The following KLHL24 variants were observed in gnomAD, a reference collection of about 807,000 sequenced individuals.
The protein encoded by KLHL24 is kelch-like protein 24.
A neutral mutation model predicts 53.4 loss-of-function variants in KLHL24; 29 were observed. The observed-to-expected ratio is 0.54, with a 90% CI of 0.40 to 0.74. KLHL24 has a LOEUF of 0.74. Among genes scored for constraint, KLHL24 ranks in the 30% least tolerant of loss-of-function variants. The probability of loss-of-function intolerance (pLI) is 0.00; values close to 1 mark genes in which losing one functional copy is unlikely to be tolerated. For missense variants in KLHL24, 504 were observed against 744.0 expected (o/e 0.68, Z 3.75); for synonymous variants, 222 against 253.7 (o/e 0.88, Z 1.19).
intron 5 of KLHL24, 152 bp from the exon 6 acceptor site, chr3:183,670,882 T>G (rs1057303050): frequency 2.4e-5 from 14 of 590,402 alleles, no homozygotes; most frequent in Non-Finnish European, 3.6e-5. Context: ...GATGATTTTT[T>G]AAAAGGTTCA....
chr3:183,660,687 A>T (rs1405468178), intron 3 of KLHL24, among the ~76,000 whole-genome samples: 1 of 152,104 alleles, frequency 6.6e-6, no homozygotes, highest in Admixed American at 6.5e-5. Context: ...AGCCATTTTC[A>T]TATAGAAGCA....
At chr3:183,648,435 C>T (rs1400873714) in intron 2 of KLHL24, among the ~76,000 whole-genome samples, 5 of 152,130 alleles carry the variant, frequency 3.3e-5, no homozygotes, top group African/African-American at 9.6e-5. Flanking sequence ...TTGTGGCTTG[C>T]GAATGTAGGA....
At chr3:183,672,528 G>T in intron 7 of KLHL24, 44 bp downstream of exon 7, 2 of 1,339,012 alleles carry the variant, frequency 1.5e-6, no homozygotes, top group South Asian at 2.7e-5. Context: ...ATCTAAGAGG[G>T]ACCAAGTACA....
At chr3:183,646,361 C>CA (rs35945634) in intron 2 of KLHL24, among the ~76,000 whole-genome samples, 5,225 of 65,064 alleles carry the variant, frequency 0.08, 283 homozygotes, top group African/African-American at 0.15. Context: ...GACTCCATCT[C>CA]AAAAAAAAAA....
intron 2 of KLHL24, among the ~76,000 whole-genome samples, chr3:183,646,361 C>CAAAA (rs35945634): frequency 3.0e-5 from 2 of 66,738 alleles, no homozygotes; most frequent in Admixed American, 1.7e-4. Flanking sequence ...GACTCCATCT[C>CAAAA]AAAAAAAAAA....
chr3:183,643,442 T>A (rs1050464026), intron 1 of KLHL24, 38 bp from the exon 2 acceptor site: 2 of 152,224 alleles, frequency 1.3e-5, no homozygotes, highest in African/African-American at 4.8e-5. Flanking sequence ...AACTGACAAC[T>A]ATCTGATTTA....
In KLHL24 at chr3:183,650,043, A is replaced by G. The variant is rs1717910251; in HGVS notation, c.-61-253A>G. ...GGGAGGAAACGGAAGGTTATTAGTA[A>G]CTCACGAAGTACATAGTATCCTTTC... On this transcript the variant is annotated intron_variant, in intron 2 of 7. Transcript: ENST00000242810. The surrounding 1 kb of genome is among the most constrained non-coding windows in gnomAD (Gnocchi z 4.5). 6.6e-6 allele frequency among the ~76,000 whole-genome samples: 1 copy of G among 152,174 alleles called. No individual in the cohort carries two copies. Among genetic ancestry groups the G allele is most frequent in the African/African-American group, 2.4e-5 (1 of 41,436 alleles).
chr3:183,673,212 GTAAA>G (rs1343546448), intron 7 of KLHL24, among the ~76,000 whole-genome samples: 1 of 151,798 alleles, frequency 6.6e-6, no homozygotes, highest in Non-Finnish European at 1.5e-5. Flanking sequence ...TCTCAAAAAA[GTAAA>G]TAAATAAGTA....
At chr3:183,656,604 A>T (rs1275087491) in intron 3 of KLHL24, among the ~76,000 whole-genome samples, 1 of 152,166 alleles carries the variant, frequency 6.6e-6, no homozygotes, top group Non-Finnish European at 1.5e-5. Flanking sequence ...CCATCTCAGT[A>T]TGCTAAGTGC....
chr3:183,651,382 G>A (rs1560160450), intron 3 of KLHL24, 106 bp downstream of exon 3: 7 of 730,006 alleles, frequency 9.6e-6, no homozygotes, highest in Non-Finnish European at 1.5e-5. Flanking sequence ...TCTACCTGTG[G>A]CTGTATATAA....
chr3:183,670,627 A>C (rs898020545), intron 5 of KLHL24, among the ~76,000 whole-genome samples: 1 of 152,214 alleles, frequency 6.6e-6, no homozygotes, highest in African/African-American at 2.4e-5. Flanking sequence ...TTCATTACCC[A>C]TAAGTGTGAA....
intron 7 of KLHL24, among the ~76,000 whole-genome samples, chr3:183,673,594 A>C (rs912518076): frequency 6.6e-6 from 1 of 151,974 alleles, no homozygotes; most frequent in African/African-American, 2.4e-5. Context: ...CCCTACCCAC[A>C]CTGCCACCTC....
intron 1 of KLHL24, among the ~76,000 whole-genome samples, chr3:183,639,151 G>A (rs1405220072): frequency 6.6e-6 from 1 of 152,032 alleles, no homozygotes; most frequent in South Asian, 2.1e-4. Context: ...AGTGAGCTGA[G>A]ATCGCGCCAT....
At position 183,650,936 on chromosome 3, in the gene KLHL24, A is replaced by G; in HGVS notation, c.580A>G (p.Thr194Ala). The G allele has an allele frequency of 6.2e-7, 1 of 1,614,212 alleles. No homozygotes were observed. The highest frequency in any genetic ancestry group is 2.2e-5 in the East Asian group (1 of 44,886). Residue 194 changes from threonine to alanine, a missense_variant, in exon 3 of 8, where the codon ACT (threonine) becomes GCT (alanine). Thr to Ala is a moderately conservative substitution (Grantham distance 58). Coordinates refer to ENST00000242810, the MANE Select transcript of KLHL24 (RefSeq NM_017644.3). This position sits in a 1 kb window ranked among gnomAD's most constrained non-coding sequence, Gnocchi z 4.5. ...AAAATGCAAAAATTTTGCGTTACAG[A>G]CTTTTGAGGATGTATCCCAGCACGA... ...FTKCKNFALQ[T>A]FEDVSQHEEF...
At chr3:183,649,968 A>T (rs1717897819) in intron 2 of KLHL24, among the ~76,000 whole-genome samples, 1 of 152,182 alleles carries the variant, frequency 6.6e-6, no homozygotes, top group Non-Finnish European at 1.5e-5. Flanking sequence ...GTCTTACACC[A>T]TTCTGACTTA....
chr3:183,679,479 C>A lies in KLHL24; in HGVS notation c.*193C>A, dbSNP rs570584347. The A allele has an allele frequency of 2.2e-5, 12 of 547,956 alleles. No individual in the cohort carries two copies. In the Admixed American group the frequency reaches 3.4e-4, roughly 16 times the overall value. 33.9% of individuals were successfully genotyped at this position (547,956 alleles called of 1,614,324 possible). On this transcript the variant is annotated 3_prime_UTR_variant, in exon 8 of 8. Transcript: ENST00000242810. ...CCTTTCCTATAATTGAAAAAAAAAA[C>A]TTTTTTGTTAAAGGTAATGGTGGTT... is the stretch of plus-strand genomic sequence containing the variant.
At chr3:183,642,014 C>G (rs13097464) in intron 1 of KLHL24, among the ~76,000 whole-genome samples, 48,295 of 151,990 alleles carry the variant, frequency 0.32, 8,191 homozygotes, top group East Asian at 0.48. Context: ...ATGAGAGGCT[C>G]TATTCCAGTC....
Position 183,681,572 on chromosome 3 carries a change from C to CATA in KLHL24, c.*2289_*2291dup, listed in dbSNP as rs1176147365. On this transcript the variant is annotated 3_prime_UTR_variant, in exon 8 of 8. Coordinates refer to ENST00000242810, the MANE Select transcript of KLHL24 (RefSeq NM_017644.3). ...CACACCAATATTAATTTTTTCTCTA[C>CATA]ATAATTTAAAACTACATAAATTAAG... 1 of 152,138 alleles carries CATA rather than the reference C, an allele frequency of 6.6e-6. No homozygotes were observed. The highest frequency in any genetic ancestry group is 2.4e-5 in the African/African-American group (1 of 41,406). 9.4% of individuals were successfully genotyped at this position (152,138 alleles called of 1,614,324 possible). A position where few individuals can be genotyped will look rare whatever the true frequency, so the allele number is the denominator to read the frequency against.
At position 183,679,296 on chromosome 3, in the gene KLHL24, A is replaced by G; in HGVS notation, c.*10A>G. The stretch of plus-strand genomic sequence containing the variant: ...ATGCTTTAAACTCTGAAGACAGGAT[A>G]CCTCACCGAAGAAGCCACACTGATC... On this transcript the variant is annotated 3_prime_UTR_variant, in exon 8 of 8. Transcript: ENST00000242810. 6.2e-7 allele frequency: 1 copy of G among 1,608,882 alleles called. No homozygotes were observed. The highest frequency in any genetic ancestry group is 8.5e-7 in the Non-Finnish European group (1 of 1,175,588).
Sources: allele counts gnomAD v4.1 joint callset (sites outside exome capture counted in the v4.1 genomes callset), GRCh38; gene constraint gnomAD v4.1.1; non-coding constraint Gnocchi (gnomAD v3.1); transcripts MANE v1.5; gene names NCBI Gene and HGNC (gene_info 2026-07-23, HGNC 2026-07-21).